KIAA2012: variants seen among roughly 807,000 people sequenced by gnomAD.
The protein encoded by KIAA2012 is KIAA2012, also known as uncharacterized protein KIAA2012.
In KIAA2012, 125 loss-of-function variants were observed where a neutral mutation model predicts 150.6. That is an observed-to-expected ratio of 0.83 (90% CI 0.72 to 0.96). The LOEUF (loss-of-function observed/expected upper bound fraction) is 0.96, where lower values mean the gene tolerates loss of function less well. Among genes scored for constraint, KIAA2012 ranks in the 40% least tolerant of loss-of-function variants. The pLI is 0.00. For synonymous variants in KIAA2012, 462 were observed against 504.7 expected (o/e 0.92, Z 1.13); for missense variants, 1,219 against 1,354.9 (o/e 0.90, Z 1.57).
chr2:202,185,995 T>C (rs371177394), intron 16 of KIAA2012, among the ~76,000 whole-genome samples: 2 of 151,984 alleles, frequency 1.3e-5, no homozygotes, highest in African/African-American at 4.8e-5. Context: ...CTCATTTAGC[T>C]AAAAAAAATA....
At chr2:202,171,679 G>A (rs1416156533) in intron 15 of KIAA2012, among the ~76,000 whole-genome samples, 3 of 152,090 alleles carry the variant, frequency 2.0e-5, no homozygotes, top group African/African-American at 7.2e-5. Context: ...GAGCTAGAAG[G>A]TCTAAACATC....
intron 15 of KIAA2012, among the ~76,000 whole-genome samples, chr2:202,174,953 C>A (rs1521884): frequency 0.42 from 64,304 of 151,944 alleles, 13,945 homozygotes; most frequent in Non-Finnish European, 0.48. Context: ...TTAAATAATT[C>A]TTTAATATAA....
intron 12 of KIAA2012, among the ~76,000 whole-genome samples, chr2:202,132,220 T>C (rs1690947653): frequency 2.0e-5 from 3 of 152,090 alleles, no homozygotes; most frequent in Admixed American, 1.3e-4. Context: ...TTTACGCCAA[T>C]GATGGTGGGA....
chr2:202,102,218 A>G (rs1690061583), intron 7 of KIAA2012, among the ~76,000 whole-genome samples: 1 of 152,102 alleles, frequency 6.6e-6, no homozygotes, highest in Non-Finnish European at 1.5e-5. Context: ...TTTGGGGGAC[A>G]GAAAAAAAAC....
chr2:202,107,423 G>A (rs569132804), intron 9 of KIAA2012, among the ~76,000 whole-genome samples: 6 of 151,788 alleles, frequency 4.0e-5, no homozygotes, highest in East Asian at 1.9e-4. Flanking sequence ...TCCAAATATC[G>A]GCAGAGATCA....
At chr2:202,191,520 G>A (rs79071680) in intron 19 of KIAA2012, among the ~76,000 whole-genome samples, 14,125 of 149,578 alleles carry the variant, frequency 0.094, 893 homozygotes, top group South Asian at 0.24. Context: ...ACTCCAGCCT[G>A]AGCAACAGAA....
intron 2 of KIAA2012, among the ~76,000 whole-genome samples, chr2:202,082,052 T>C (rs1689462224): frequency 6.6e-6 from 1 of 152,228 alleles, no homozygotes; most frequent in African/African-American, 2.4e-5. Flanking sequence ...TGGGTTTGAT[T>C]TGCATTTACC....
rs928975538 is a variant in KIAA2012, at chr2:202,104,378, T to C, written c.1324+1264T>C. 2.6e-5 allele frequency among the ~76,000 whole-genome samples: 4 copies of C among 152,244 alleles called. No homozygotes were observed. Among genetic ancestry groups the C allele is most frequent in the African/African-American group, 7.2e-5 (3 of 41,540 alleles). On this transcript the variant is annotated intron_variant, in intron 8 of 23. Transcript: ENST00000498697. This position sits in a 1 kb window ranked among gnomAD's most constrained non-coding sequence, Gnocchi z 4.3. ...GTGAGGCCAACAGATCAGGAGACAG[T>C]TGGCACTGAAAAGATAGTTTGTTAC...
At chr2:202,181,353 A>C (rs915357048) in intron 15 of KIAA2012, among the ~76,000 whole-genome samples, 1 of 152,184 alleles carries the variant, frequency 6.6e-6, no homozygotes, top group African/African-American at 2.4e-5. Context: ...AGGCAGGAGA[A>C]TTGCTTGAGG....
intron 4 of KIAA2012, among the ~76,000 whole-genome samples, chr2:202,094,317 G>T (rs1476351674): frequency 1.3e-5 from 2 of 152,080 alleles, no homozygotes; most frequent in Non-Finnish European, 2.9e-5. Flanking sequence ...CAGAAACAGT[G>T]GCAGTGCCTG....
intron 14 of KIAA2012, among the ~76,000 whole-genome samples, chr2:202,158,236 C>A (rs967199693): frequency 6.6e-6 from 1 of 152,022 alleles, no homozygotes; most frequent in East Asian, 1.9e-4. Context: ...CCTCGCAATC[C>A]GCCTGTCTCA....
chr2:202,179,287 G>T (rs567428559), intron 15 of KIAA2012: 7 of 1,172,844 alleles, frequency 6.0e-6, no homozygotes, highest in South Asian at 3.6e-5. Flanking sequence ...TTGGCTCTTC[G>T]GGTAAAGATG....
At chr2:202,190,685 C>T (rs1483453512) in intron 19 of KIAA2012, among the ~76,000 whole-genome samples, 192 bp downstream of exon 19, 2 of 152,176 alleles carry the variant, frequency 1.3e-5, no homozygotes, top group African/African-American at 4.8e-5. Context: ...GCAGGGGTAG[C>T]AAAGCCCCTC....
chr2:202,130,743 C>T (rs184039507), intron 12 of KIAA2012, among the ~76,000 whole-genome samples: 57 of 152,040 alleles, frequency 3.7e-4, no homozygotes, highest in African/African-American at 1.3e-3. Context: ...ATGGTGAAAC[C>T]CCATCTCTAC....
At chr2:202,123,263 T>C (rs772915721) in intron 11 of KIAA2012, among the ~76,000 whole-genome samples, 2 of 152,172 alleles carry the variant, frequency 1.3e-5, no homozygotes, top group Non-Finnish European at 2.9e-5. Flanking sequence ...TTCGTGACTG[T>C]TTTTTAGCCT....
chr2:202,104,862 T>C lies in KIAA2012; in HGVS notation c.1325-899T>C, dbSNP rs1283009990. On this transcript the variant is annotated intron_variant, in intron 8 of 23. Coordinates refer to ENST00000498697, the MANE Select transcript of KIAA2012 (RefSeq NM_001277372.4). The surrounding 1 kb of genome is among the most constrained non-coding windows in gnomAD (Gnocchi z 4.3). ...ATACACTTAATAAAAAGACAGACAA[T>C]ACTATTCACAAGATTGGGTTCGATC... 6.6e-6 allele frequency among the ~76,000 whole-genome samples: 1 copy of C among 152,072 alleles called. No individual in the cohort carries two copies. The highest frequency in any genetic ancestry group is 1.5e-5 in the Non-Finnish European group (1 of 68,022).
At chr2:202,196,349 C>A (rs374122123) in intron 21 of KIAA2012, among the ~76,000 whole-genome samples, 1 of 151,782 alleles carries the variant, frequency 6.6e-6, no homozygotes, top group East Asian at 1.9e-4. Flanking sequence ...CGCCTGCCAC[C>A]ACGCCCCGCT....
intron 18 of KIAA2012, among the ~76,000 whole-genome samples, chr2:202,189,817 C>A (rs1035109695): frequency 6.6e-6 from 1 of 152,048 alleles, no homozygotes; most frequent in African/African-American, 2.4e-5. Context: ...AGGGGCCAGG[C>A]ACGGTGGCGC....
intron 22 of KIAA2012, among the ~76,000 whole-genome samples, chr2:202,198,859 C>T (rs1160167585): frequency 1.3e-5 from 2 of 152,186 alleles, no homozygotes; most frequent in Non-Finnish European, 2.9e-5. Flanking sequence ...GCAGCCAGTG[C>T]AACTCAATAT....
Sources: allele counts gnomAD v4.1 joint callset (sites outside exome capture counted in the v4.1 genomes callset), GRCh38; gene constraint gnomAD v4.1.1; non-coding constraint Gnocchi (gnomAD v3.1); transcripts MANE v1.5; gene names NCBI Gene and HGNC (gene_info 2026-07-23, HGNC 2026-07-21).